Variants in UNC79 observed in about 807,000 individuals in gnomAD.
UNC79 encodes the protein unc-79 subunit of NALCN channel complex.
In UNC79, 37 loss-of-function variants were observed where a neutral mutation model predicts 283.1. That is an observed-to-expected ratio of 0.13 (90% CI 0.10 to 0.17). The LOEUF (loss-of-function observed/expected upper bound fraction) is 0.17, where lower values mean the gene tolerates loss of function less well. Among genes scored for constraint, UNC79 ranks in the 10% least tolerant of loss-of-function variants. The pLI, the probability that UNC79 is intolerant of heterozygous loss-of-function variation, is 1.00. For synonymous variants in UNC79, 1,107 were observed against 1,200.2 expected, an observed-to-expected ratio of 0.92 and a Z score of 1.61; for missense variants, 2,272 against 3,211.1, an observed-to-expected ratio of 0.71 and a Z score of 7.07.
chr14:93,538,380 C>T (rs570411090), intron 12 of UNC79, among the ~76,000 whole-genome samples, 162 bp downstream of exon 12: 6 of 152,304 alleles, frequency 3.9e-5, no homozygotes, highest in Non-Finnish European at 7.3e-5. Context: ...TTCATGAATT[C>T]AATGAATATT....
intron 1 of UNC79, among the ~76,000 whole-genome samples, chr14:93,402,467 G>A (rs1382928669): frequency 6.6e-6 from 1 of 151,646 alleles, no homozygotes; most frequent in East Asian, 1.9e-4. Flanking sequence ...CAAAAAAGCA[G>A]ATATGAACTG....
At chr14:93,618,262 A>G in exon 29 of UNC79, 2 of 1,614,104 alleles carry the variant, frequency 1.2e-6, no homozygotes, top group Non-Finnish European at 1.7e-6. Context: ...AATACACTCA[A>G]TGCGCAGTAT....
rs1290125974 is a variant in UNC79 at position 93,615,942 on chromosome 14, A to G, written c.4042-1180A>G. Among the ~76,000 whole-genome samples, 7 of 152,012 alleles carry G rather than the reference A, an allele frequency of 4.6e-5. No homozygotes were observed. In the East Asian group the frequency reaches 1.2e-3, roughly 25 times the overall value. ...ATATGTATGTCTGTGCATTTTTACA[A>G]TAATAGGTTCATATTATACATACTG... On this transcript the variant is annotated intron_variant, in intron 27 of 48. Coordinates refer to ENST00000555664, the Ensembl canonical transcript of UNC79.
intron 7 of UNC79, 140 bp downstream of exon 7, chr14:93,497,426 C>A: frequency 8.1e-7 from 1 of 1,237,286 alleles, no homozygotes; most frequent in Non-Finnish European, 1.1e-6. Context: ...CTTTCTGAAA[C>A]TAAGTGGTTT....
At chr14:93,706,931 C>T, downstream of UNC79, 3 of 1,612,832 alleles carry the variant, frequency 1.9e-6, no homozygotes, top group African/African-American at 1.3e-5. Context: ...TCAGTGTCAA[C>T]ACTCTGGTTT....
At chr14:93,575,096 A>G in exon 17 of UNC79, 3 of 1,613,686 alleles carry the variant, frequency 1.9e-6, no homozygotes, top group Non-Finnish European at 2.5e-6. Context: ...CACTTCAACT[A>G]CTAATAAGTA....
chr14:93,512,351 T>C (rs905086808), intron 7 of UNC79, among the ~76,000 whole-genome samples: 1 of 152,142 alleles, frequency 6.6e-6, no homozygotes, highest in Non-Finnish European at 1.5e-5. Flanking sequence ...TTTCATTATG[T>C]TCTGCTTGAG....
intron 1 of UNC79, among the ~76,000 whole-genome samples, chr14:93,340,482 G>T (rs193170765): frequency 6.7e-6 from 1 of 148,730 alleles, no homozygotes; most frequent in African/African-American, 2.5e-5. Flanking sequence ...ACCTATGACT[G>T]GCCTGGCCAA....
chr14:93,472,630 C>A (rs1380994938), intron 2 of UNC79, among the ~76,000 whole-genome samples: 1 of 152,018 alleles, frequency 6.6e-6, no homozygotes, highest in Non-Finnish European at 1.5e-5. Context: ...AGCATGTAGT[C>A]ATTTTTCTTA....
At chr14:93,501,849 T>C (rs2059307157) in intron 7 of UNC79, among the ~76,000 whole-genome samples, 1 of 152,206 alleles carries the variant, frequency 6.6e-6, no homozygotes, top group Non-Finnish European at 1.5e-5. Flanking sequence ...TCCTCCCAAC[T>C]ATTTATGATA....
chr14:93,512,409 G>A (rs8006721), intron 7 of UNC79, among the ~76,000 whole-genome samples: 2,300 of 151,994 alleles, frequency 0.015, 61 homozygotes, highest in African/African-American at 0.053. Context: ...TGAGCTTCTC[G>A]AATCTGTGGT....
chr14:93,457,179 A>C (rs543760994), intron 1 of UNC79, among the ~76,000 whole-genome samples: 2 of 152,366 alleles, frequency 1.3e-5, no homozygotes, highest in African/African-American at 4.8e-5. Context: ...TCATTTCTTC[A>C]TTCAGTCATT....
In UNC79 at chr14:93,577,123, G is replaced by A. The variant is rs558074152; in HGVS notation, c.2212-719G>A. On this transcript the variant is annotated intron_variant, in intron 17 of 48. Coordinates refer to ENST00000555664, the Ensembl canonical transcript of UNC79. ...GCTGAGGTGGGAGGATTGCTTGAGA[G>A]TGAGAGGTCAAGCCTGCAGAGAGCC... is the stretch of plus-strand genomic sequence containing the variant. Among the ~76,000 whole-genome samples, 256 of 152,236 alleles carry A rather than the reference G, an allele frequency of 1.7e-3. 2 individuals carry two copies. The highest frequency in any genetic ancestry group is 5.9e-3 in the African/African-American group (245 of 41,520).
chr14:93,364,576 G>GAAAAAAAA (rs2054291349), intron 1 of UNC79, among the ~76,000 whole-genome samples: 1 of 42,158 alleles, frequency 2.4e-5, no homozygotes, highest in Non-Finnish European at 6.7e-5. Context: ...CATATACAAG[G>GAAAAAAAA]AATAGAAAAG....
intron 16 of UNC79, among the ~76,000 whole-genome samples, chr14:93,573,343 A>G (rs1365311694): frequency 6.6e-6 from 1 of 152,106 alleles, no homozygotes; most frequent in African/African-American, 2.4e-5. Flanking sequence ...ATTTGGTTCT[A>G]TTTCTGTCTC....
At chr14:93,588,690 G>A (rs1388910156) in intron 22 of UNC79, among the ~76,000 whole-genome samples, 2 of 138,782 alleles carry the variant, frequency 1.4e-5, no homozygotes, top group African/African-American at 2.8e-5. Flanking sequence ...GCAGTGAGCC[G>A]AGATCGTGCC....
At chr14:93,375,956 T>TA (rs57863180) in intron 1 of UNC79, among the ~76,000 whole-genome samples, 13,124 of 90,798 alleles carry the variant, frequency 0.14, 621 homozygotes, top group African/African-American at 0.21. Flanking sequence ...TGAGCTAGCA[T>TA]GTTAGGCCCT....
At chr14:93,411,150 G>A (rs1671449895) in intron 1 of UNC79, among the ~76,000 whole-genome samples, 1 of 152,082 alleles carries the variant, frequency 6.6e-6, no homozygotes, top group Admixed American at 6.5e-5. Context: ...GGGCCTTAAG[G>A]GAGTATTGGT....
At chr14:93,340,313 G>A (rs1194898807) in intron 1 of UNC79, among the ~76,000 whole-genome samples, 1 of 152,044 alleles carries the variant, frequency 6.6e-6, no homozygotes, top group East Asian at 1.9e-4. Context: ...ATGGTGGCGG[G>A]TGCCTGTAGT....
Sources: allele counts gnomAD v4.1 joint callset (sites outside exome capture counted in the v4.1 genomes callset), GRCh38; gene constraint gnomAD v4.1.1; transcripts MANE v1.5; gene names NCBI Gene and HGNC (gene_info 2026-07-23, HGNC 2026-07-21).